Variants in FSTL4 observed in about 807,000 individuals in gnomAD.
The protein encoded by FSTL4 is follistatin like 4.
FSTL4 carries 28 observed loss-of-function variants against 78.2 expected under a neutral mutation model. The observed-to-expected ratio is 0.36, with a 90% CI of 0.27 to 0.49. The LOEUF (loss-of-function observed/expected upper bound fraction) is 0.49, where lower values mean the gene tolerates loss of function less well. Ranked by LOEUF, FSTL4 falls within the 20% of genes least tolerant of loss-of-function variation. The pLI, the probability that FSTL4 is intolerant of heterozygous loss-of-function variation, is 0.98. For synonymous variants in FSTL4, 422 were observed against 440.5 expected, an observed-to-expected ratio of 0.96 and a Z score of 0.53; for missense variants, 922 against 1,084.9, an observed-to-expected ratio of 0.85 and a Z score of 2.11.
At chr5:133,658,000 T>C in the FSTL4 span, among the ~76,000 whole-genome samples, 43 of 152,216 alleles carry the variant, frequency 2.8e-4, no homozygotes, top group Admixed American at 3.3e-4. Context: ...ATAATGAATA[T>C]GAATAGGTGT....
chr5:133,573,362 AAT>A (rs1190388465), intron 2 of FSTL4, among the ~76,000 whole-genome samples: 3 of 152,230 alleles, frequency 2.0e-5, no homozygotes, highest in Admixed American at 6.5e-5. Context: ...ACATATCATA[AAT>A]ATATGTTTAC....
chr5:133,601,797 C>T (rs1218989839), intron 2 of FSTL4, among the ~76,000 whole-genome samples: 1 of 151,724 alleles, frequency 6.6e-6, no homozygotes, highest in African/African-American at 2.4e-5. Flanking sequence ...GGTACTGCCA[C>T]CTCAGCCTCT....
intron 3 of FSTL4, among the ~76,000 whole-genome samples, chr5:133,484,444 A>C (rs1214231513): frequency 1.3e-5 from 2 of 152,244 alleles, no homozygotes; most frequent in Non-Finnish European, 2.9e-5. Context: ...GGAAGGAAGA[A>C]TAGAAGATAT....
intron 6 of FSTL4, among the ~76,000 whole-genome samples, chr5:133,294,717 C>T (rs1753348160): frequency 6.6e-6 from 1 of 152,152 alleles, no homozygotes; most frequent in African/African-American, 2.4e-5. Flanking sequence ...ACTCTCTGAT[C>T]ACCTCCCATC....
chr5:133,319,919 A>G (rs1754004401), intron 4 of FSTL4, among the ~76,000 whole-genome samples: 2 of 152,196 alleles, frequency 1.3e-5, no homozygotes, highest in African/African-American at 4.8e-5. Flanking sequence ...GCCCGACAGC[A>G]CTGGGGAAGG....
At chr5:133,529,895 A>G (rs578214653) in intron 3 of FSTL4, among the ~76,000 whole-genome samples, 99 of 151,134 alleles carry the variant, frequency 6.6e-4, no homozygotes, top group African/African-American at 2.2e-3. Flanking sequence ...GTCCTGTCTG[A>G]TTGGATTTGT....
the FSTL4 span, among the ~76,000 whole-genome samples, chr5:133,727,145 C>A: frequency 6.6e-6 from 1 of 152,110 alleles, no homozygotes; most frequent in African/African-American, 2.4e-5. Flanking sequence ...GACCCAGAGA[C>A]CAATCAATGT....
chr5:133,769,101 C>T, the FSTL4 span, among the ~76,000 whole-genome samples: 2 of 152,320 alleles, frequency 1.3e-5, no homozygotes, highest in South Asian at 2.1e-4. Flanking sequence ...TTTCTAATTC[C>T]GGAAGAGAAC....
At chr5:133,437,431 A>C (rs1026654011) in intron 3 of FSTL4, among the ~76,000 whole-genome samples, 6 of 151,724 alleles carry the variant, frequency 4.0e-5, no homozygotes, top group African/African-American at 1.5e-4. Flanking sequence ...TGAAGAAAGA[A>C]TATTTAGTAG....
At chr5:133,367,953 A>T (rs1416207780) in intron 4 of FSTL4, among the ~76,000 whole-genome samples, 1 of 152,256 alleles carries the variant, frequency 6.6e-6, no homozygotes, top group African/African-American at 2.4e-5. Context: ...CAGATCCAAC[A>T]GGCAGGATCA....
At chr5:133,308,375 T>TA (rs560979537) in intron 6 of FSTL4, among the ~76,000 whole-genome samples, 97 of 152,326 alleles carry the variant, frequency 6.4e-4, no homozygotes, top group Non-Finnish European at 8.4e-4. Flanking sequence ...TCTTGTTACT[T>TA]ACTATCCAAA....
chr5:133,498,619 G>C (rs1758420619), intron 3 of FSTL4, among the ~76,000 whole-genome samples: 1 of 151,806 alleles, frequency 6.6e-6, no homozygotes, highest in African/African-American at 2.4e-5. Context: ...TCGGGAGGCT[G>C]AGGCGGGAGA....
At chr5:133,216,324 T>C (rs1473568313) in intron 13 of FSTL4, among the ~76,000 whole-genome samples, 1 of 152,184 alleles carries the variant, frequency 6.6e-6, no homozygotes, top group Non-Finnish European at 1.5e-5. Context: ...AGAGTGTTGC[T>C]CTGCTGCCCA....
At chr5:133,243,422 C>T (rs1751937047) in intron 7 of FSTL4, among the ~76,000 whole-genome samples, 1 of 152,232 alleles carries the variant, frequency 6.6e-6, no homozygotes, top group Non-Finnish European at 1.5e-5. Flanking sequence ...TTGCTTCCTT[C>T]CTTGCTGGGG....
chr5:133,267,863 C>G (rs545647438), intron 6 of FSTL4, among the ~76,000 whole-genome samples: 1 of 152,262 alleles, frequency 6.6e-6, no homozygotes, highest in Admixed American at 6.5e-5. Context: ...ATTTCACTGG[C>G]TTGGCTGGGG....
At chr5:133,371,318 C>T (rs904747042) in intron 4 of FSTL4, among the ~76,000 whole-genome samples, 17 of 152,250 alleles carry the variant, frequency 1.1e-4, no homozygotes, top group African/African-American at 4.1e-4. Context: ...CCAAGGCCCT[C>T]ACCGCAAGAG....
intron 3 of FSTL4, among the ~76,000 whole-genome samples, chr5:133,412,009 T>C (rs978751887): frequency 2.0e-5 from 3 of 152,096 alleles, no homozygotes; most frequent in African/African-American, 4.8e-5. Context: ...AAGAAAGCCA[T>C]AGGACCTATA....
At chr5:133,637,409 C>T in the FSTL4 span, among the ~76,000 whole-genome samples, 1 of 152,078 alleles carries the variant, frequency 6.6e-6, no homozygotes, top group Admixed American at 6.6e-5. Context: ...TTTGATTGAG[C>T]ATCTACTATA....
the FSTL4 span, among the ~76,000 whole-genome samples, chr5:133,757,291 T>A: frequency 6.6e-6 from 1 of 152,258 alleles, no homozygotes; most frequent in Non-Finnish European, 1.5e-5. Context: ...CAGTGTATAA[T>A]CAATATAAAC....
Sources: gnomAD v4.1 joint callset for allele counts (sites outside exome capture counted in the v4.1 genomes callset) on GRCh38, gnomAD v4.1.1 for gene constraint, MANE v1.5 for transcripts, NCBI Gene and HGNC (gene_info 2026-07-23, HGNC 2026-07-21) for gene names.